The following KDM6B variants were observed in gnomAD, a reference collection of about 807,000 sequenced individuals.
The protein encoded by KDM6B is lysine-specific demethylase 6B.
KDM6B carries 22 observed loss-of-function variants against 150.4 expected under a neutral mutation model. The observed-to-expected ratio is 0.15, with a 90% CI of 0.10 to 0.21. KDM6B has a LOEUF of 0.21. Ranked by LOEUF, KDM6B falls within the 10% of genes least tolerant of loss-of-function variation. The pLI is 1.00. For missense variants in KDM6B, 1,984 were observed against 2,234.3 expected (o/e 0.89, Z 2.26); for synonymous variants, 1,148 against 921.1 (o/e 1.25, Z -4.46).
chr17:7,839,453 G>A (rs1376213197), intron 1 of KDM6B, among the ~76,000 whole-genome samples: 1 of 152,164 alleles, frequency 6.6e-6, no homozygotes, highest in African/African-American at 2.4e-5. Flanking sequence ...CCGCCTGGGG[G>A]AAGAAGAGGG....
intron 21 of KDM6B, 111 bp downstream of exon 21, chr17:7,852,747 C>A: frequency 6.7e-7 from 1 of 1,486,236 alleles, no homozygotes; most frequent in African/African-American, 1.4e-5. Flanking sequence ...TCTGCCTGTG[C>A]CCCGAGTGTT....
Position 7,845,642 on chromosome 17 carries a change from T to G in KDM6B, c.88T>G (p.Ser30Ala). ...GGLSCAGAWSSCPPHPPPRSA... is the reference protein window; with the variant it reads ...GGLSCAGAWSACPPHPPPRSA... ...CCTGAGCTGTGCTGGGGCCTGGAGC[T>G]CCTGCCCGCCTCATCCCCCTCCTCG... The change falls in exon 5 of 24, where the codon TCC becomes GCC. Residue 30 changes from serine to alanine, a missense_variant. Transcript: ENST00000448097. 6.2e-7 allele frequency: 1 copy of G among 1,614,036 alleles called. No individual in the cohort carries two copies. The highest frequency in any genetic ancestry group is 8.5e-7 in the Non-Finnish European group (1 of 1,180,008).
chr17:7,843,715 C>G lies in KDM6B; in HGVS notation c.-268-1186C>G, dbSNP rs917019547. On this transcript the variant is annotated intron_variant, in intron 2 of 23. Coordinates refer to ENST00000448097, the MANE Select transcript of KDM6B (RefSeq NM_001348716.2). This position sits in a 1 kb window ranked among gnomAD's most constrained non-coding sequence, Gnocchi z 4.5. ...CCCCCGCGGCTTTGTACTCGACACT[C>G]GCCTCTCGCTGCTCTTTGTACTCTA... Among the ~76,000 whole-genome samples, 1 of 152,100 alleles carries G rather than the reference C, an allele frequency of 6.6e-6. No individual in the cohort carries two copies. Among genetic ancestry groups the G allele is most frequent in the Non-Finnish European group, 1.5e-5 (1 of 67,996 alleles).
At chr17:7,842,550 C>T (rs2078439064) in intron 2 of KDM6B, among the ~76,000 whole-genome samples, 1 of 152,178 alleles carries the variant, frequency 6.6e-6, no homozygotes, top group Non-Finnish European at 1.5e-5. Context: ...TCAGGGAGGG[C>T]TATTCTTGCC....
chr17:7,852,387 G>C, intron 20 of KDM6B, 51 bp downstream of exon 20: 1 of 1,592,966 alleles, frequency 6.3e-7, no homozygotes, highest in Non-Finnish European at 8.5e-7. Flanking sequence ...AGCGGCAAGG[G>C]CCTGGGAGGC....
rs1396867043 is a variant in KDM6B, at chr17:7,852,538, G to A, written c.4512G>A (p.Glu1504=). 3 of 1,614,022 alleles carry A rather than the reference G, an allele frequency of 1.9e-6. No homozygotes were observed. Among genetic ancestry groups the A allele is most frequent in the African/African-American group, 2.7e-5 (2 of 74,924 alleles). The change falls in exon 21 of 24, where the codon GAG becomes GAA. Residue 1504 remains glutamate (E), a synonymous_variant. Coordinates refer to ENST00000448097, the MANE Select transcript of KDM6B (RefSeq NM_001348716.2). ...QLALERYEWN[E]VKNVKSIVPM... is the part of the protein sequence containing the mutation. ...CCCTGGAACGATACGAGTGGAATGAGGTGAAGAACGTCAAATCCATCGTGC... is the reference window on the plus strand; with the variant it reads ...CCCTGGAACGATACGAGTGGAATGAAGTGAAGAACGTCAAATCCATCGTGC...
In KDM6B at chr17:7,849,795, G is replaced by A. The variant is rs1216552021; in HGVS notation, c.3441-26G>A. Reference sequence around the variant, plus strand: ...CTTCCCCCATCACCCTGATGTTTCTGTCTTCATTCCACTGTCCTCCCGCAG... The same window carrying A: ...CTTCCCCCATCACCCTGATGTTTCTATCTTCATTCCACTGTCCTCCCGCAG... On this transcript the variant is annotated intron_variant, in intron 12 of 23. Coordinates refer to ENST00000448097, the MANE Select transcript of KDM6B (RefSeq NM_001348716.2). 4 of 1,612,886 alleles carry A rather than the reference G, an allele frequency of 2.5e-6. No individual in the cohort carries two copies. The Admixed American group carries it at 6.7e-5, about 27-fold the overall frequency.
chr17:7,845,446 C>A lies in KDM6B; in HGVS notation c.-16C>A. Reference sequence around the variant, plus strand: ...CCAATCTCCAGGGCTCCTGGGGCCACTGCTGACCTGGTAAGGGAAACTCTG... The same window carrying A: ...CCAATCTCCAGGGCTCCTGGGGCCAATGCTGACCTGGTAAGGGAAACTCTG... On this transcript the variant is annotated 5_prime_UTR_variant, in exon 4 of 24. The change creates a new upstream start codon in the 5' untranslated region. Transcript: ENST00000448097. 7.0e-7 allele frequency: 1 copy of A among 1,422,652 alleles called. No individual in the cohort carries two copies. The highest frequency in any genetic ancestry group is 2.3e-5 in the East Asian group (1 of 43,952). The allele number at this position is 1,422,652 out of a possible 1,614,324, so 88.1% of individuals were successfully genotyped here.
At position 7,848,917 on chromosome 17, in the gene KDM6B, C is replaced by G; in HGVS notation, c.2629C>G (p.Pro877Ala). 1 of 1,602,622 alleles carries G rather than the reference C, an allele frequency of 6.2e-7. No homozygotes were observed. The highest frequency in any genetic ancestry group is 8.5e-7 in the Non-Finnish European group (1 of 1,173,302). ...SSSQFSTSGG[P>A]WARERRAGEE... ...ATCTCAGTTCTCTACCTCAGGCGGG[C>G]CCTGGGCCCGGGAGCGCAGGGCGGG... Residue 877 changes from proline (P) to alanine (A), a missense_variant, in exon 12 of 24, where the codon CCC becomes GCC. This residue lies in a region of KDM6B where 1,379 missense variants were observed against 1,275.6 expected (regional missense o/e 1.08). Coordinates refer to ENST00000448097, the MANE Select transcript of KDM6B (RefSeq NM_001348716.2).
In KDM6B at chr17:7,852,206, A is replaced by G. The variant is rs771286795; in HGVS notation, c.4338A>G (p.Ala1446=). 18 of 1,613,994 alleles carry G rather than the reference A, an allele frequency of 1.1e-5. No individual in the cohort carries two copies. Among genetic ancestry groups the G allele is most frequent in the Non-Finnish European group, 1.1e-5 (13 of 1,180,030 alleles). The change falls in exon 20 of 24, where the codon GCA becomes GCG. Residue 1446 remains alanine (A), a synonymous_variant. Transcript: ENST00000448097. ...GGCCAATCCTGGATGATCTCTATGCATCCAATATTCCTGTGTACCGCTTCG... is the reference window on the plus strand; with the variant it reads ...GGCCAATCCTGGATGATCTCTATGCGTCCAATATTCCTGTGTACCGCTTCG... ...SWWPILDDLY[A]SNIPVYRFVQ...
At position 7,851,505 on chromosome 17, in the gene KDM6B, C is replaced by T. The variant is rs116729997; in HGVS notation, c.3972C>T (p.His1324=). 1.4e-4 allele frequency: 227 copies of T among 1,614,200 alleles called. 2 individuals carry two copies. In the African/African-American group the frequency reaches 2.4e-3, roughly 17 times the overall value. ...PSSAPDPKNH[H]IIKFGTNIDL... The stretch of plus-strand genomic sequence containing the variant: ...GCGCACCAGACCCGAAGAACCATCA[C>T]ATCATCAAGTTTGGCACCAACATCG... Residue 1324 remains histidine, a synonymous_variant, in exon 17 of 24, where the codon CAC becomes CAT. Transcript: ENST00000448097.
rs1191406376 is a variant in KDM6B, at chr17:7,852,577, G to A, written c.4551G>A (p.Val1517=). ...NVKSIVPMIH[V]SWNVARTVKI... The stretch of plus-strand genomic sequence containing the variant: ...AATCCATCGTGCCCATGATTCACGT[G>A]TCATGGAACGTGGCTCGCACGGTCA... Residue 1517 remains valine, a synonymous_variant, in exon 21 of 24, where the codon GTG becomes GTA. Coordinates refer to ENST00000448097, the MANE Select transcript of KDM6B (RefSeq NM_001348716.2). The A allele has an allele frequency of 1.2e-6, 2 of 1,614,156 alleles. No individual in the cohort carries two copies. The highest frequency in any genetic ancestry group is 1.1e-5 in the South Asian group (1 of 91,086).
At chr17:7,842,239 C>T (rs761933755) in intron 2 of KDM6B, among the ~76,000 whole-genome samples, 21 of 151,574 alleles carry the variant, frequency 1.4e-4, no homozygotes, top group Admixed American at 1.4e-3. Flanking sequence ...GGTAGGGGGT[C>T]GGTTAAAGTC....
rs2078653359 is a variant in KDM6B at position 7,849,736 on chromosome 17, G to GGCTGCCTGCTTGCTTGTC, written c.3440+9_3440+26dup. 5 of 1,612,382 alleles carry GGCTGCCTGCTTGCTTGTC rather than the reference G, an allele frequency of 3.1e-6. No individual in the cohort carries two copies. The highest frequency in any genetic ancestry group is 1.6e-4 in the Middle Eastern group (1 of 6,062). On this transcript the variant is annotated intron_variant, in intron 12 of 23. Transcript: ENST00000448097. ...CGTCGTGCGCGCCAGCAGGTGAGTC[G>GGCTGCCTGCTTGCTTGTC]GCTGCCTGCTTGCTTGTCCCGGAGA...
chr17:7,835,753 C>G (rs1019049311), intron 1 of KDM6B, among the ~76,000 whole-genome samples: 5 of 151,922 alleles, frequency 3.3e-5, no homozygotes, highest in Admixed American at 6.5e-5. Flanking sequence ...GCCCACCCCC[C>G]GCCCTGCGCC....
At chr17:7,845,848 A>G (rs772116368) in intron 5 of KDM6B, 24 bp from the exon 6 acceptor site, 15 of 1,607,810 alleles carry the variant, frequency 9.3e-6, no homozygotes, top group South Asian at 2.2e-5. Context: ...TTTGCCGTAT[A>G]TAACAGACTC....
rs750342338 is a variant in KDM6B at position 7,852,131 on chromosome 17, C to T, written c.4281-18C>T. On this transcript the variant is annotated intron_variant, in intron 19 of 23. Transcript: ENST00000448097. ...CCCTCGGTCCCCAGTTCCCACCTGA[C>T]CTGTGGCCACCCCGCAGGCACGGCG... is the stretch of plus-strand genomic sequence containing the variant. The T allele has an allele frequency of 5.0e-6, 8 of 1,613,920 alleles. No homozygotes were observed. Among genetic ancestry groups the T allele is most frequent in the African/African-American group, 2.7e-5 (2 of 74,944 alleles).
In KDM6B at chr17:7,846,651, C is replaced by T. The variant is rs751876806; in HGVS notation, c.622C>T (p.Pro208Ser). The T allele has an allele frequency of 2.2e-5, 35 of 1,614,018 alleles. No homozygotes were observed. In the Admixed American group the frequency reaches 5.7e-4, roughly 26 times the overall value. The change falls in exon 9 of 24, where the codon CCT (proline) becomes TCT (serine). Residue 208 changes from proline (P) to serine (S), a missense_variant. Coordinates refer to ENST00000448097, the MANE Select transcript of KDM6B (RefSeq NM_001348716.2). The part of the protein sequence containing the change: ...KRAAEPPVVQ[P>S]VPPAALSGPS... ...AGCTGCTGAACCCCCAGTGGTGCAG[C>T]CTGTGCCTCCTGCAGCACTCTCAGG...
Position 7,847,884 on chromosome 17 carries a change from C to T in KDM6B, c.1596C>T (p.Arg532=). ...GCTTCTTGGGGCCTCCGGCCTCCCG[C>T]TTTTCTGTGGGCACTCAGGATTCTC... ...REGFLGPPAS[R]FSVGTQDSHT... Residue 532 remains arginine (R), a synonymous_variant, in exon 12 of 24, where the codon CGC becomes CGT. Transcript: ENST00000448097. 6.2e-7 allele frequency: 1 copy of T among 1,609,640 alleles called. No homozygotes were observed. The highest frequency in any genetic ancestry group is 1.1e-5 in the South Asian group (1 of 90,880).
Sources: gnomAD v4.1 joint callset for allele counts (sites outside exome capture counted in the v4.1 genomes callset) on GRCh38, gnomAD v4.1.1 for gene constraint, gnomAD v4.1.1 regional missense constraint, Gnocchi (gnomAD v3.1) non-coding constraint, MANE v1.5 for transcripts, NCBI Gene and HGNC (gene_info 2026-07-23, HGNC 2026-07-21) for gene names.